ANXA8: variants seen among roughly 807,000 people sequenced by gnomAD.
The protein encoded by ANXA8 is VAC-beta.
Under a neutral mutation model 26.8 loss-of-function variants are expected in ANXA8, and 9 were observed. That is an observed-to-expected ratio of 0.34 (90% CI 0.20 to 0.59). The LOEUF (loss-of-function observed/expected upper bound fraction) is 0.59, where lower values mean the gene tolerates loss of function less well. Ranked by LOEUF, ANXA8 falls within the 20% of genes least tolerant of loss-of-function variation. The pLI, the probability that ANXA8 is intolerant of heterozygous loss-of-function variation, is 0.84. For synonymous variants in ANXA8, 39 were observed against 94.8 expected (o/e 0.41, Z 3.42); for missense variants, 83 against 238.5 (o/e 0.35, Z 4.29).
At chr10:47,667,813 C>T in the ANXA8 span, among the ~76,000 whole-genome samples, 17 of 152,010 alleles carry the variant, frequency 1.1e-4, no homozygotes, top group Non-Finnish European at 2.1e-4. Flanking sequence ...TCTCGGTTCA[C>T]TGTAACCTCC....
chr10:47,779,178 G>A, the ANXA8 span, among the ~76,000 whole-genome samples: 2 of 123,206 alleles, frequency 1.6e-5, no homozygotes, highest in African/African-American at 6.4e-5. Flanking sequence ...ATTCTCTTCA[G>A]TATCTGCCTT....
At chr10:47,736,884 G>T in the ANXA8 span, among the ~76,000 whole-genome samples, 2 of 151,194 alleles carry the variant, frequency 1.3e-5, no homozygotes, top group African/African-American at 2.4e-5. Flanking sequence ...TGAACTTCTG[G>T]CCTCAAGTGA....
the ANXA8 span, chr10:47,543,684 A>T: frequency 1.3e-6 from 1 of 771,558 alleles, no homozygotes; most frequent in Non-Finnish European, 2.0e-6. Flanking sequence ...AAACTCAATC[A>T]TACAGCAGAA....
the ANXA8 span, among the ~76,000 whole-genome samples, chr10:47,494,985 A>G: frequency 2.0e-4 from 31 of 151,898 alleles, no homozygotes; most frequent in South Asian, 1.4e-3. Flanking sequence ...GAGGATCATC[A>G]GGAGCTGCAG....
the ANXA8 span, among the ~76,000 whole-genome samples, chr10:47,898,831 T>TTC: frequency 1.5e-5 from 2 of 132,742 alleles, no homozygotes; most frequent in African/African-American, 6.0e-5. Context: ...TTTTTTTTTT[T>TTC]TTTTTTTTTT....
At chr10:47,894,633 TACAC>T in the ANXA8 span, among the ~76,000 whole-genome samples, 4 of 120,062 alleles carry the variant, frequency 3.3e-5, no homozygotes, top group African/African-American at 1.3e-4. Flanking sequence ...CACCACACAC[TACAC>T]ACACCACACA....
chr10:47,951,799 A>T, the ANXA8 span, among the ~76,000 whole-genome samples: 15 of 142,796 alleles, frequency 1.1e-4, no homozygotes, highest in African/African-American at 3.8e-4. Flanking sequence ...AGACAGAGCA[A>T]GACTCTGTCT....
At chr10:47,530,412 G>A in the ANXA8 span, among the ~76,000 whole-genome samples, 1 of 149,366 alleles carries the variant, frequency 6.7e-6, no homozygotes, top group Non-Finnish European at 1.5e-5. Context: ...AACAGGCCAG[G>A]CGCGGTGGCT....
At chr10:47,928,752 T>C in the ANXA8 span, among the ~76,000 whole-genome samples, 359 of 50,546 alleles carry the variant, frequency 7.1e-3, 5 homozygotes, top group African/African-American at 0.049. Flanking sequence ...CTCTCTCTCT[T>C]TTTTTTTTTT....
chr10:47,515,887 A>G, the ANXA8 span, among the ~76,000 whole-genome samples: 1 of 109,376 alleles, frequency 9.1e-6, no homozygotes, highest in Non-Finnish European at 1.8e-5. Flanking sequence ...TCCTGCTTCC[A>G]AATAAAGCAG....
At chr10:47,985,808 G>A in the ANXA8 span, 1 of 148,796 alleles carries the variant, frequency 6.7e-6, no homozygotes, top group Non-Finnish European at 1.5e-5. Context: ...TTAAATCACA[G>A]ATTCATTTTC....
At chr10:47,612,587 T>G in the ANXA8 span, among the ~76,000 whole-genome samples, 26 of 73,326 alleles carry the variant, frequency 3.5e-4, 8 homozygotes, top group African/African-American at 8.8e-4. Flanking sequence ...ATGTTGAAAC[T>G]TAATCCAAAA....
chr10:47,535,757 T>C, the ANXA8 span, among the ~76,000 whole-genome samples: 8 of 49,088 alleles, frequency 1.6e-4, no homozygotes, highest in Non-Finnish European at 2.8e-4. Flanking sequence ...GTCCACAGAT[T>C]CCTAGAACCT....
chr10:47,911,429 C>A, the ANXA8 span, among the ~76,000 whole-genome samples: 1 of 129,366 alleles, frequency 7.7e-6, no homozygotes, highest in Non-Finnish European at 1.6e-5. Flanking sequence ...CTCCTTCAAT[C>A]TGGAATGGTT....
the ANXA8 span, among the ~76,000 whole-genome samples, chr10:47,688,583 G>A: frequency 2.0e-5 from 3 of 150,860 alleles, no homozygotes; most frequent in African/African-American, 4.9e-5. Context: ...CATCACAGCC[G>A]GCTAATTTTT....
At chr10:47,484,323 A>G, upstream of ANXA8, 1 of 637,070 alleles carries the variant, frequency 1.6e-6, no homozygotes, top group South Asian at 1.8e-5. Context: ...ACCTCAGGTG[A>G]TCTGCCCACC....
At chr10:47,620,597 C>T in the ANXA8 span, among the ~76,000 whole-genome samples, 2 of 102,168 alleles carry the variant, frequency 2.0e-5, 1 homozygote, top group African/African-American at 7.7e-5. Context: ...ATTTGATTAA[C>T]TGAAGTTCTG....
the ANXA8 span, among the ~76,000 whole-genome samples, chr10:47,559,652 AAC>A: frequency 6.6e-6 from 1 of 151,868 alleles, no homozygotes; most frequent in African/African-American, 2.4e-5. Flanking sequence ...TTTTCAGATT[AAC>A]AGTTTAGGTA....
chr10:47,474,041 G>T lies in ANXA8; in HGVS notation c.671C>A (p.Ala224Asp). The T allele has an allele frequency of 1.8e-6, 1 of 547,444 alleles. No homozygotes were observed. 33.9% of individuals were successfully genotyped at this position (547,444 alleles called of 1,614,324 possible). Reference protein sequence around the residue: ...LRVFEEYEKIANKSIEDSIKS... With the variant: ...LRVFEEYEKIDNKSIEDSIKS... ...GATGCTGTCCTCAATGCTCTTGTTGGCAATTTTCTCATACTCTTCAAACAC... is the reference window on the plus strand; with the variant it reads ...GATGCTGTCCTCAATGCTCTTGTTGTCAATTTTCTCATACTCTTCAAACAC... The change falls in exon 9 of 12, where the codon GCC becomes GAC. Residue 224 changes from alanine (A) to aspartate (D), a missense_variant. Around this residue, in one of 6 missense-constraint regions of ANXA8, gnomAD observed 28 missense variants for 37.7 expected, o/e 0.74. Transcript: ENST00000585281.
Sources: gnomAD v4.1 joint callset for allele counts (sites outside exome capture counted in the v4.1 genomes callset) on GRCh38, gnomAD v4.1.1 for gene constraint, gnomAD v4.1.1 regional missense constraint, MANE v1.5 for transcripts, NCBI Gene and HGNC (gene_info 2026-07-23, HGNC 2026-07-21) for gene names.